SYT14: variants seen among roughly 807,000 people sequenced by gnomAD.
The protein encoded by SYT14 is synaptotagmin-14.
SYT14 carries 32 observed loss-of-function variants against 74.2 expected under a neutral mutation model. The ratio of observed to expected loss-of-function variants is 0.43; its 90% CI spans 0.33 to 0.58. The LOEUF is 0.58. SYT14 is among the 20% of genes least tolerant of loss of function. The pLI, the probability that SYT14 is intolerant of heterozygous loss-of-function variation, is 0.05. For missense variants in SYT14, 791 were observed against 981.8 expected, an observed-to-expected ratio of 0.81 and a Z score of 2.60; for synonymous variants, 298 against 337.7, an observed-to-expected ratio of 0.88 and a Z score of 1.29.
chr1:210,156,862 T>G (rs952099001), intron 8 of SYT14: 2 of 408,838 alleles, frequency 4.9e-6, no homozygotes, highest in Non-Finnish European at 1.0e-5. Context: ...CTAGCTATTA[T>G]TTTGTATTTT....
chr1:210,091,936 T>G (rs1197256736), intron 5 of SYT14, among the ~76,000 whole-genome samples: 1 of 152,160 alleles, frequency 6.6e-6, no homozygotes, highest in East Asian at 1.9e-4. Context: ...ATCACCACTC[T>G]TCTAAGAAAA....
At position 210,155,977 on chromosome 1, in the gene SYT14, G is replaced by A. The variant is rs530187144; in HGVS notation, c.2224+67G>A. ...CTTTTGGGACTCTCAGTATTAGGGAGTTCAATCCTATCATTTAGTCTTAAC... is the reference window on the plus strand; with the variant it reads ...CTTTTGGGACTCTCAGTATTAGGGAATTCAATCCTATCATTTAGTCTTAAC... On this transcript the variant is annotated intron_variant, in intron 8 of 9. Transcript: ENST00000637265. The A allele has an allele frequency of 2.4e-5, 33 of 1,375,682 alleles. 1 individual carries two copies. In the African/African-American group the frequency reaches 3.7e-4, roughly 16 times the overall value. 85.2% of individuals were successfully genotyped at this position (1,375,682 alleles called of 1,614,324 possible). A position where few individuals can be genotyped will look rare whatever the true frequency, so the allele number is the denominator to read the frequency against.
chr1:210,049,883 C>T (rs2080959724), intron 5 of SYT14, among the ~76,000 whole-genome samples: 2 of 152,190 alleles, frequency 1.3e-5, no homozygotes, highest in African/African-American at 4.8e-5. Flanking sequence ...AGCACAGAGA[C>T]CCTGGGCCTG....
At chr1:210,156,516 C>A (rs1035074616) in intron 8 of SYT14, among the ~76,000 whole-genome samples, 1 of 152,034 alleles carries the variant, frequency 6.6e-6, no homozygotes, top group African/African-American at 2.4e-5. Flanking sequence ...AGATAGCATA[C>A]CTCTGCCCTG....
At chr1:209,953,824 A>G (rs888477582) in intron 2 of SYT14, among the ~76,000 whole-genome samples, 3 of 152,190 alleles carry the variant, frequency 2.0e-5, no homozygotes, top group African/African-American at 7.2e-5. Flanking sequence ...CCTTTCCTCT[A>G]GTACCACAAA....
chr1:210,065,159 A>G (rs149932793), intron 5 of SYT14, among the ~76,000 whole-genome samples: 39 of 152,150 alleles, frequency 2.6e-4, no homozygotes, highest in African/African-American at 7.5e-4. Context: ...TCTGTGGACT[A>G]TCTTTTCTTG....
chr1:210,127,392 C>T (rs1464793351), intron 7 of SYT14, among the ~76,000 whole-genome samples: 1 of 152,136 alleles, frequency 6.6e-6, no homozygotes, highest in East Asian at 1.9e-4. Context: ...GTGGTGGCTA[C>T]AGCAGATGCC....
chr1:209,982,893 A>G (rs1027749738), intron 2 of SYT14, among the ~76,000 whole-genome samples: 1 of 152,154 alleles, frequency 6.6e-6, no homozygotes, highest in Admixed American at 6.5e-5. Flanking sequence ...GGCCATTCTA[A>G]TAGGTATGTG....
chr1:209,961,410 T>C (rs761047880), intron 2 of SYT14, among the ~76,000 whole-genome samples: 7 of 152,166 alleles, frequency 4.6e-5, no homozygotes, highest in Non-Finnish European at 8.8e-5. Context: ...TAGTATTTAT[T>C]AGAGCTAGTA....
chr1:209,964,508 A>G (rs1326446016), intron 2 of SYT14, among the ~76,000 whole-genome samples: 2 of 152,142 alleles, frequency 1.3e-5, no homozygotes, highest in Admixed American at 6.5e-5. Context: ...GGTTTCTTGC[A>G]TTAGTGTTCA....
intron 2 of SYT14, among the ~76,000 whole-genome samples, chr1:210,008,846 T>A (rs1056949934): frequency 6.6e-6 from 1 of 152,190 alleles, no homozygotes; most frequent in Non-Finnish European, 1.5e-5. Flanking sequence ...TAGGGGAAAT[T>A]CTACTCCTAT....
At chr1:210,151,042 T>G (rs1008864844) in intron 7 of SYT14, among the ~76,000 whole-genome samples, 2 of 152,192 alleles carry the variant, frequency 1.3e-5, no homozygotes, top group African/African-American at 2.4e-5. Context: ...ATACTTTACT[T>G]TCACAGAATT....
At chr1:209,976,990 G>A (rs1056109004) in intron 2 of SYT14, among the ~76,000 whole-genome samples, 2 of 152,040 alleles carry the variant, frequency 1.3e-5, no homozygotes, top group African/African-American at 4.8e-5. Context: ...GATCTTTGTT[G>A]GTTTAAAGTC....
At chr1:210,169,221 G>GGTTTT (rs2083492295) in exon 10 of SYT14, 2 of 50,248 alleles carry the variant, frequency 4.0e-5, no homozygotes, top group African/African-American at 1.6e-4. Context: ...TGTTTTTGGT[G>GGTTTT]TTTTTTTTTT....
chr1:210,058,268 G>GCT (rs1203565612), intron 5 of SYT14, among the ~76,000 whole-genome samples: 52 of 152,286 alleles, frequency 3.4e-4, no homozygotes, highest in African/African-American at 1.2e-3. Flanking sequence ...TAACTGCTGT[G>GCT]CTCCCACTCC....
rs144088654 is a variant in SYT14, at chr1:210,024,000, T to TAAAA, written c.1312+2748_1312+2749insAAAA. Among the ~76,000 whole-genome samples the TAAAA allele has an allele frequency of 3.3e-3, 495 of 152,294 alleles. 6 individuals are homozygous for TAAAA. The highest frequency in any genetic ancestry group is 0.011 in the African/African-American group (456 of 41,562). ...ATCTGTATACATTAATCAAGGTTTTTAAGCAGGAGAGTGTGATAAAATGTA... is the reference window on the plus strand; with the variant it reads ...ATCTGTATACATTAATCAAGGTTTTTAAAAAAGCAGGAGAGTGTGATAAAATGTA... On this transcript the variant is annotated intron_variant, in intron 5 of 9. Coordinates refer to ENST00000637265, the Ensembl canonical transcript of SYT14.
At chr1:209,954,610 G>T (rs562552808) in intron 2 of SYT14, among the ~76,000 whole-genome samples, 1 of 152,136 alleles carries the variant, frequency 6.6e-6, no homozygotes, top group South Asian at 2.1e-4. Context: ...CCATAGAGTA[G>T]ATCATATGAA....
At chr1:209,997,283 T>A (rs1237839496) in intron 2 of SYT14, among the ~76,000 whole-genome samples, 1 of 152,088 alleles carries the variant, frequency 6.6e-6, no homozygotes, top group Non-Finnish European at 1.5e-5. Flanking sequence ...TTTCAGGATA[T>A]GAAATCAGTG....
chr1:210,015,773 G>A (rs570125592), exon 4 of SYT14: 7 of 747,862 alleles, frequency 9.4e-6, no homozygotes, highest in African/African-American at 9.1e-5. Context: ...ATGTCATAAC[G>A]TTTAAACCAA....
Sources: allele counts gnomAD v4.1 joint callset (sites outside exome capture counted in the v4.1 genomes callset), GRCh38; gene constraint gnomAD v4.1.1; transcripts MANE v1.5; gene names NCBI Gene and HGNC (gene_info 2026-07-23, HGNC 2026-07-21).